The following STRN3 variants were observed in gnomAD, a reference collection of about 807,000 sequenced individuals.
STRN3 encodes the protein striatin 3.
Under a neutral mutation model 95.6 loss-of-function variants are expected in STRN3, and 29 were observed. The observed-to-expected ratio is 0.30, with a 90% CI of 0.23 to 0.41. The LOEUF (loss-of-function observed/expected upper bound fraction) is 0.41. STRN3 is among the 10% of genes least tolerant of loss of function. The pLI, the probability that STRN3 is intolerant of heterozygous loss-of-function variation, is 1.00. For missense variants in STRN3, 890 were observed against 972.1 expected, an observed-to-expected ratio of 0.92 and a Z score of 1.12; for synonymous variants, 331 against 357.6, an observed-to-expected ratio of 0.93 and a Z score of 0.84.
At chr14:30,993,493 TA>T (rs1882060162) in intron 1 of STRN3, among the ~76,000 whole-genome samples, 1 of 152,180 alleles carries the variant, frequency 6.6e-6, no homozygotes, top group Non-Finnish European at 1.5e-5. Context: ...ATGACTTAAA[TA>T]TAACATGAGA....
At chr14:30,948,377 C>T (rs867480277) in intron 4 of STRN3, among the ~76,000 whole-genome samples, 2 of 151,960 alleles carry the variant, frequency 1.3e-5, no homozygotes, top group South Asian at 4.2e-4. Context: ...TATTTGAAGC[C>T]ATGGATTTAA....
At chr14:31,014,823 A>C (rs1376418228) in intron 1 of STRN3, 1 of 421,090 alleles carries the variant, frequency 2.4e-6, no homozygotes, top group Non-Finnish European at 4.7e-6. Flanking sequence ...TAAAAAAAAA[A>C]AAAAAAACAG....
chr14:30,938,444 A>C, intron 5 of STRN3, among the ~76,000 whole-genome samples: 1 of 152,204 alleles, frequency 6.6e-6, no homozygotes, highest in Non-Finnish European at 1.5e-5. Flanking sequence ...ATTTTTTTTA[A>C]AGATATATTT....
intron 1 of STRN3, among the ~76,000 whole-genome samples, chr14:30,962,080 T>C (rs978139984): frequency 6.6e-6 from 1 of 152,138 alleles, no homozygotes; most frequent in African/African-American, 2.4e-5. Context: ...GATGTGGAGG[T>C]AGAAGACAAT....
At chr14:30,967,498 G>T (rs545241551) in intron 1 of STRN3, among the ~76,000 whole-genome samples, 1 of 152,170 alleles carries the variant, frequency 6.6e-6, no homozygotes, top group Non-Finnish European at 1.5e-5. Flanking sequence ...ATACCATCTC[G>T]CTGTCAATGT....
At chr14:30,972,225 A>T (rs1412907753) in intron 1 of STRN3, among the ~76,000 whole-genome samples, 1 of 151,858 alleles carries the variant, frequency 6.6e-6, no homozygotes, top group Non-Finnish European at 1.5e-5. Flanking sequence ...TCTACGTTCC[A>T]ATCACTTGCT....
intron 1 of STRN3, among the ~76,000 whole-genome samples, chr14:30,986,141 A>C (rs998832393): frequency 6.6e-6 from 1 of 152,162 alleles, no homozygotes; most frequent in African/African-American, 2.4e-5. Flanking sequence ...TTCCCTCTTC[A>C]TTTACCTTCC....
intron 1 of STRN3, among the ~76,000 whole-genome samples, chr14:31,007,979 G>A (rs1882797191): frequency 6.6e-6 from 1 of 151,480 alleles, no homozygotes; most frequent in Non-Finnish European, 1.5e-5. Context: ...GATCACCTGA[G>A]GTCAGGAGTT....
At position 30,895,203 on chromosome 14, in the gene STRN3, T is replaced by A. The variant is rs1594399908; in HGVS notation, c.*208A>T. 2 of 568,126 alleles carry A rather than the reference T, an allele frequency of 3.5e-6. No homozygotes were observed. Among genetic ancestry groups the A allele is most frequent in the East Asian group, 5.9e-5 (2 of 33,946 alleles). The allele number at this position is 568,126 out of a possible 1,614,324, so 35.2% of individuals were successfully genotyped here. Reference sequence around the variant, plus strand: ...GTACAGGCCACAAATACTGGAGTCCTTTTTTCTTTGTCCCACAAAATACAG... The same window carrying A: ...GTACAGGCCACAAATACTGGAGTCCATTTTTCTTTGTCCCACAAAATACAG... On this transcript the variant is annotated 3_prime_UTR_variant, in exon 18 of 18. Transcript: ENST00000357479.
At position 30,906,945 on chromosome 14, in the gene STRN3, T is replaced by C; in HGVS notation, c.1820A>G (p.Asp607Gly). The C allele has an allele frequency of 6.2e-7, 1 of 1,613,964 alleles. No homozygotes were observed. Among genetic ancestry groups the C allele is most frequent in the Non-Finnish European group, 8.5e-7 (1 of 1,179,906 alleles). Residue 607 changes from aspartate (D) to glycine (G), a missense_variant, in exon 14 of 18, where the codon GAT (aspartate) becomes GGT (glycine). Physicochemically the swap from Asp to Gly is moderately conservative, Grantham distance 94 (BLOSUM62 -1). Transcript: ENST00000357479. ...TGGATTCCATAACCTAACAGTGCCA[T>C]CTGCTGAACAAGACAGTAATTGATT... ...IKNQLLSCSA[D>G]GTVRLWNPQE...
chr14:31,025,577 C>T, intron 1 of STRN3: 2 of 417,170 alleles, frequency 4.8e-6, no homozygotes, highest in South Asian at 4.8e-5. Flanking sequence ...GACTCTCCCA[C>T]AGAGAGGTGC....
At chr14:30,900,187 G>C (rs536777711) in intron 16 of STRN3, among the ~76,000 whole-genome samples, 1 of 150,626 alleles carries the variant, frequency 6.6e-6, no homozygotes, top group South Asian at 2.1e-4. Flanking sequence ...CTGAAAGCCT[G>C]TCTCTACTAA....
intron 4 of STRN3, among the ~76,000 whole-genome samples, chr14:30,948,315 C>T (rs1195524522): frequency 6.6e-6 from 1 of 152,066 alleles, no homozygotes; most frequent in Admixed American, 6.5e-5. Context: ...AAATCAAAAG[C>T]TCAGAAGAGA....
chr14:31,020,091 C>T (rs1179633842), intron 1 of STRN3, among the ~76,000 whole-genome samples: 1 of 152,122 alleles, frequency 6.6e-6, no homozygotes, highest in East Asian at 1.9e-4. Context: ...TTCCAACTGG[C>T]ATGTTCTTTG....
chr14:30,900,132 C>CG (rs1157067528), intron 16 of STRN3, among the ~76,000 whole-genome samples: 11 of 151,940 alleles, frequency 7.2e-5, no homozygotes, highest in African/African-American at 2.7e-4. Flanking sequence ...CCAAGGTGGG[C>CG]GGATCACCTG....
chr14:31,022,359 G>A (rs539135773), intron 1 of STRN3, among the ~76,000 whole-genome samples: 6 of 145,546 alleles, frequency 4.1e-5, no homozygotes, highest in Admixed American at 7.1e-5. Flanking sequence ...CAGCCTGGGC[G>A]ACAGTAGAGC....
At chr14:30,913,270 C>T (rs1198585480) in intron 10 of STRN3, among the ~76,000 whole-genome samples, 1 of 151,824 alleles carries the variant, frequency 6.6e-6, no homozygotes, top group Non-Finnish European at 1.5e-5. Context: ...GAGTTGACTA[C>T]TCAAGATGTA....
chr14:30,929,979 A>AAAAAAAAAAAAT (rs1566441550), intron 7 of STRN3, among the ~76,000 whole-genome samples: 1 of 147,388 alleles, frequency 6.8e-6, no homozygotes, highest in Non-Finnish European at 1.5e-5. Context: ...AAAAAAAAAA[A>AAAAAAAAAAAAT]CTCAAATTCC....
chr14:30,940,073 T>C (rs1879021254), intron 5 of STRN3, among the ~76,000 whole-genome samples: 1 of 152,164 alleles, frequency 6.6e-6, no homozygotes, highest in South Asian at 2.1e-4. Flanking sequence ...TTACCACTAT[T>C]CTCCTCTGAA....
Sources: gnomAD v4.1 joint callset for allele counts (sites outside exome capture counted in the v4.1 genomes callset) on GRCh38, gnomAD v4.1.1 for gene constraint, MANE v1.5 for transcripts, NCBI Gene and HGNC (gene_info 2026-07-23, HGNC 2026-07-21) for gene names.